The following NEO1 variants were observed in gnomAD, a reference collection of about 807,000 sequenced individuals.
NEO1 encodes the protein neogenin.
In NEO1, 63 loss-of-function variants were observed where a neutral mutation model predicts 159.7. That is an observed-to-expected ratio of 0.39 (90% CI 0.32 to 0.49). The LOEUF is 0.49. NEO1 is among the 20% of genes least tolerant of loss of function. NEO1 has a pLI of 0.85. For synonymous variants in NEO1, 633 were observed against 662.0 expected (o/e 0.96, Z 0.67); for missense variants, 1,615 against 1,831.0 (o/e 0.88, Z 2.15).
chr15:73,156,093 G>T (rs1215551706), intron 5 of NEO1, among the ~76,000 whole-genome samples: 1 of 152,046 alleles, frequency 6.6e-6, no homozygotes, highest in East Asian at 1.9e-4. Flanking sequence ...TCTTATTTTT[G>T]AATTTGCTTT....
In NEO1 at chr15:73,063,643, T is replaced by C. The variant is rs997944889; in HGVS notation, c.130+10838T>C. Among the ~76,000 whole-genome samples, 186 of 152,126 alleles carry C rather than the reference T, an allele frequency of 1.2e-3. 1 individual carries two copies. Among genetic ancestry groups the C allele is most frequent in the Non-Finnish European group, 2.1e-3 (143 of 67,986 alleles). On this transcript the variant is annotated intron_variant, in intron 1 of 28. Transcript: ENST00000261908. ...CAGCCTTTTTTGTTTGTTTGTTTGTTTGTTTGTTTGTTTTTTGGCCAGGAG... is the reference window on the plus strand; with the variant it reads ...CAGCCTTTTTTGTTTGTTTGTTTGTCTGTTTGTTTGTTTTTTGGCCAGGAG...
At chr15:73,294,831 C>T (rs1317949777) in intron 26 of NEO1, among the ~76,000 whole-genome samples, 2 of 151,942 alleles carry the variant, frequency 1.3e-5, no homozygotes, top group South Asian at 2.1e-4. Context: ...TGAGCTACCG[C>T]GCCCGGTCCC....
At position 73,288,348 on chromosome 15, in the gene NEO1, A is replaced by G. The variant is rs763741408; in HGVS notation, c.3446A>G (p.His1149Arg). Residue 1149 changes from histidine to arginine, a missense_variant, in exon 24 of 29, where the codon CAT becomes CGT. His to Arg is a conservative substitution (Grantham distance 29, BLOSUM62 0). Coordinates refer to ENST00000261908, the MANE Select transcript of NEO1 (RefSeq NM_002499.4). ...GCCTGCAAATCAGTGAATGGCTCTC[A>G]TAAGTACAAAGGGAATTCCAAAGAT... is the stretch of plus-strand genomic sequence containing the variant. ...RAACKSVNGS[H>R]KYKGNSKDVK... 53 of 1,614,072 alleles carry G rather than the reference A, an allele frequency of 3.3e-5. No homozygotes were observed. Among genetic ancestry groups the G allele is most frequent in the Non-Finnish European group, 4.0e-5 (47 of 1,180,026 alleles).
In NEO1 at chr15:73,072,847, G is replaced by A. The variant is rs191811851; in HGVS notation, c.130+20042G>A. On this transcript the variant is annotated intron_variant, in intron 1 of 28. Transcript: ENST00000261908. ...ACATGGAATAGAAAGATATTTAGATGATAAAGTAGAATTTGGTGATGGATT... is the reference window on the plus strand; with the variant it reads ...ACATGGAATAGAAAGATATTTAGATAATAAAGTAGAATTTGGTGATGGATT... Among the ~76,000 whole-genome samples, 12 of 152,220 alleles carry A rather than the reference G, an allele frequency of 7.9e-5. No homozygotes were observed. The East Asian group carries it at 1.9e-3, about 24-fold the overall frequency.
chr15:73,136,161 G>A, intron 5 of NEO1, 134 bp downstream of exon 5: 1 of 600,410 alleles, frequency 1.7e-6, no homozygotes, highest in Non-Finnish European at 2.5e-6. Context: ...AGACTGCTTG[G>A]GTTTAAATTC....
intron 11 of NEO1, among the ~76,000 whole-genome samples, chr15:73,252,753 G>A (rs1392837259): frequency 6.6e-6 from 1 of 152,118 alleles, no homozygotes; most frequent in Non-Finnish European, 1.5e-5. Context: ...ACTTTGAGAG[G>A]CCGAGGCAGA....
chr15:73,121,677 T>G (rs2071660805), intron 2 of NEO1, among the ~76,000 whole-genome samples: 1 of 152,172 alleles, frequency 6.6e-6, no homozygotes, highest in South Asian at 2.1e-4. Context: ...TTCCATCATT[T>G]CTATAAGGCA....
At chr15:73,242,584 C>A (rs1276174072) in intron 8 of NEO1, among the ~76,000 whole-genome samples, 1 of 152,120 alleles carries the variant, frequency 6.6e-6, no homozygotes, top group African/African-American at 2.4e-5. Context: ...GCACAAGAAT[C>A]CCTTGGACCC....
chr15:73,302,425 A>C (rs2042655885), intron 28 of NEO1, among the ~76,000 whole-genome samples, 188 bp from the exon 29 acceptor site: 1 of 152,122 alleles, frequency 6.6e-6, no homozygotes, highest in South Asian at 2.1e-4. Context: ...CATTATCAGG[A>C]AACGGGATCC....
chr15:73,163,701 A>G (rs1020537822), intron 5 of NEO1, among the ~76,000 whole-genome samples: 1 of 152,182 alleles, frequency 6.6e-6, no homozygotes, highest in African/African-American at 2.4e-5. Flanking sequence ...GGAAACAGAG[A>G]TTCTGTATTT....
chr15:73,065,240 T>G (rs1455397726), intron 1 of NEO1, among the ~76,000 whole-genome samples: 2 of 152,220 alleles, frequency 1.3e-5, no homozygotes, highest in Admixed American at 1.3e-4. Flanking sequence ...TTTAGTTATT[T>G]AAATTCATTA....
At chr15:73,130,908 AC>A (rs1301957999) in intron 4 of NEO1, among the ~76,000 whole-genome samples, 1 of 152,108 alleles carries the variant, frequency 6.6e-6, no homozygotes, top group Non-Finnish European at 1.5e-5. Context: ...TACCCCTTCT[AC>A]CCAGGGAGGC....
intron 5 of NEO1, among the ~76,000 whole-genome samples, chr15:73,152,867 G>GA (rs369462192): frequency 2.0e-5 from 3 of 151,832 alleles, no homozygotes; most frequent in East Asian, 1.9e-4. Flanking sequence ...TGTGAGAGTA[G>GA]AAAAAAAATG....
At position 73,253,421 on chromosome 15, in the gene NEO1, A is replaced by T. The variant is rs760543277; in HGVS notation, c.1916A>T (p.Asn639Ile). ...LSDVPSAAPQ[N>I]LSLEVRNSKS... Reference sequence around the variant, plus strand: ...CTAGTTCCCAGTGCTGCTCCTCAGAATCTGTCCTTGGAAGTGAGAAATTCA... The same window carrying T: ...CTAGTTCCCAGTGCTGCTCCTCAGATTCTGTCCTTGGAAGTGAGAAATTCA... The change falls in exon 12 of 29, where the codon AAT becomes ATT. Residue 639 changes from asparagine (N) to isoleucine (I), a missense_variant. Asn to Ile is a moderately radical substitution (Grantham distance 149). Coordinates refer to ENST00000261908, the MANE Select transcript of NEO1 (RefSeq NM_002499.4). 49 of 1,597,852 alleles carry T rather than the reference A, an allele frequency of 3.1e-5. No homozygotes were observed. The highest frequency in any genetic ancestry group is 3.3e-4 in the Middle Eastern group (2 of 5,988).
intron 7 of NEO1, among the ~76,000 whole-genome samples, chr15:73,225,304 C>G (rs961379351): frequency 3.3e-5 from 5 of 152,098 alleles, no homozygotes; most frequent in African/African-American, 4.8e-5. Context: ...TTTGTACTTT[C>G]CAGAGAGCAT....
chr15:73,243,555 A>G lies in NEO1; in HGVS notation c.1452-789A>G, dbSNP rs535843953. Among the ~76,000 whole-genome samples, 4 of 152,348 alleles carry G rather than the reference A, an allele frequency of 2.6e-5. No homozygotes were observed. The East Asian group carries it at 7.7e-4, about 29-fold the overall frequency. On this transcript the variant is annotated intron_variant, in intron 8 of 28. Transcript: ENST00000261908. ...GATTATGCAGTCTGGTTTTCATTCT[A>G]GTGAGTACAGTAGACTGAGCATGTT...
At chr15:73,136,076 G>T in intron 5 of NEO1, 49 bp downstream of exon 5, 3 of 1,513,164 alleles carry the variant, frequency 2.0e-6, no homozygotes, top group Non-Finnish European at 1.8e-6. Flanking sequence ...TACTTTCTGG[G>T]TCTGCTAATT....
chr15:73,293,981 G>A (rs191699484), intron 26 of NEO1, among the ~76,000 whole-genome samples: 4 of 152,276 alleles, frequency 2.6e-5, no homozygotes, highest in Admixed American at 1.3e-4. Flanking sequence ...CTTCCACCGT[G>A]GACCAAAGTG....
intron 1 of NEO1, among the ~76,000 whole-genome samples, chr15:73,075,519 C>A (rs193024829): frequency 6.6e-6 from 1 of 152,146 alleles, no homozygotes; most frequent in South Asian, 2.1e-4. Flanking sequence ...GGCAGACATG[C>A]ACTTTCAGTT....
Sources: gnomAD v4.1 joint callset for allele counts (sites outside exome capture counted in the v4.1 genomes callset) on GRCh38, gnomAD v4.1.1 for gene constraint, MANE v1.5 for transcripts, NCBI Gene and HGNC (gene_info 2026-07-23, HGNC 2026-07-21) for gene names.